The following APC variants were observed in gnomAD, a reference collection of about 807,000 sequenced individuals.
APC encodes the protein APC regulator of Wnt signaling pathway.
Under a neutral mutation model 247.0 loss-of-function variants are expected in APC, and 72 were observed. That is an observed-to-expected ratio of 0.29 (90% CI 0.24 to 0.35). The LOEUF is 0.35. Ranked by LOEUF, APC falls within the 10% of genes least tolerant of loss-of-function variation. APC has a pLI of 1.00. For missense variants in APC, 3,400 were observed against 3,360.7 expected (o/e 1.01, Z -0.29); for synonymous variants, 1,254 against 1,162.5 (o/e 1.08, Z -1.60).
chr5:112,828,540 G>A (rs1763958440), intron 13 of APC, among the ~76,000 whole-genome samples: 1 of 151,022 alleles, frequency 6.6e-6, no homozygotes, highest in Non-Finnish European at 1.5e-5. Flanking sequence ...GTAACCTCAA[G>A]CTCCTGGGAT....
At chr5:112,799,348 T>C (rs1161504749) in intron 7 of APC, among the ~76,000 whole-genome samples, 2 of 152,124 alleles carry the variant, frequency 1.3e-5, no homozygotes, top group Admixed American at 1.3e-4. Flanking sequence ...ACCATCATTA[T>C]TGAATTGTGT....
intron 6 of APC, among the ~76,000 whole-genome samples, chr5:112,785,663 G>T (rs1301417566): frequency 2.0e-5 from 3 of 152,136 alleles, no homozygotes; most frequent in African/African-American, 7.2e-5. Context: ...AAATGATAGA[G>T]ACTAGAAAGA....
At chr5:112,765,161 G>T (rs1756135567) in intron 2 of APC, among the ~76,000 whole-genome samples, 1 of 152,146 alleles carries the variant, frequency 6.6e-6, no homozygotes, top group South Asian at 2.1e-4. Flanking sequence ...CTGGAGTGCA[G>T]TGGTGAGACT....
intron 1 of APC, among the ~76,000 whole-genome samples, chr5:112,723,921 G>T (rs750178651): frequency 2.6e-5 from 4 of 151,988 alleles, no homozygotes; most frequent in Non-Finnish European, 4.4e-5. Context: ...TCTAATTTTG[G>T]GGGGGTCCAG....
intron 1 of APC, among the ~76,000 whole-genome samples, chr5:112,712,795 C>A (rs1266094554): frequency 6.6e-6 from 1 of 152,216 alleles, no homozygotes; most frequent in Non-Finnish European, 1.5e-5. Context: ...TCTTCTCCCA[C>A]TGTCAATCAC....
chr5:112,823,028 CT>C (rs1279429532), intron 11 of APC, among the ~76,000 whole-genome samples: 4 of 152,176 alleles, frequency 2.6e-5, no homozygotes, highest in African/African-American at 9.7e-5. Context: ...TTTCCTCCCC[CT>C]GGTCTCCTGT....
Position 112,824,253 on chromosome 5 carries a change from C to T in APC, c.1408+2262C>T, listed in dbSNP as rs114393953. Among the ~76,000 whole-genome samples the T allele has an allele frequency of 2.1e-3, 320 of 152,312 alleles. 2 individuals are homozygous for T. Among genetic ancestry groups the T allele is most frequent in the African/African-American group, 7.4e-3 (308 of 41,570 alleles). On this transcript the variant is annotated intron_variant, in intron 11 of 15. Transcript: ENST00000257430. ...GACATGTTCATCATCTTTGCATTAC[C>T]ATGAAACATCCTGATTTTTCTTAGA...
chr5:112,758,744 C>T (rs1427717841), intron 2 of APC, among the ~76,000 whole-genome samples: 2 of 151,958 alleles, frequency 1.3e-5, no homozygotes. Flanking sequence ...GCTGGGATTA[C>T]AGGTCCCTAC....
Position 112,819,270 on chromosome 5 carries a change from T to TA in APC, c.1239dup (p.Arg414ThrfsTer5), listed in dbSNP as rs879254088. The TA allele has an allele frequency of 6.2e-7, 1 of 1,614,066 alleles. No homozygotes were observed. Among genetic ancestry groups the TA allele is most frequent in the Non-Finnish European group, 8.5e-7 (1 of 1,179,972 alleles). On this transcript the variant is annotated frameshift_variant, in exon 10 of 16. Coordinates refer to ENST00000257430, the MANE Select transcript of APC (RefSeq NM_000038.6). LOFTEE classifies it high-confidence loss of function. ...CGAGTCCTTCATCTTTTGGAACAGA[T>TA]ACGCGCTTACTGTGAAACCTGTTGG...
chr5:112,800,027 A>G (rs1354701226), intron 7 of APC, among the ~76,000 whole-genome samples: 3 of 152,056 alleles, frequency 2.0e-5, no homozygotes, highest in African/African-American at 7.2e-5. Flanking sequence ...CCCTTCTTTC[A>G]TGGCATTTGT....
At chr5:112,739,126 T>A (rs1391516758) in intron 1 of APC, among the ~76,000 whole-genome samples, 1 of 152,256 alleles carries the variant, frequency 6.6e-6, no homozygotes, top group African/African-American at 2.4e-5. Flanking sequence ...AAGATATTAA[T>A]TCAGTGTGCA....
chr5:112,837,704 G>A lies in APC; in HGVS notation c.2110G>A (p.Val704Ile), dbSNP rs367804502. Residue 704 changes from valine to isoleucine, a missense_variant, in exon 16 of 16, where the codon GTT becomes ATT. Physicochemically the swap from Val to Ile is conservative, Grantham distance 29. Around this residue, in one of 9 missense-constraint regions of APC, gnomAD observed 184 missense variants for 248.0 expected, o/e 0.74. Transcript: ENST00000257430. ...GGAAGCATTATGGGACATGGGGGCA[G>A]TTAGCATGCTCAAGAACCTCATTCA... Reference protein sequence around the residue: ...DQEALWDMGAVSMLKNLIHSK... With the variant: ...DQEALWDMGAISMLKNLIHSK... 9.3e-6 allele frequency: 15 copies of A among 1,614,046 alleles called. No individual in the cohort carries two copies. In the African/African-American group the frequency reaches 1.7e-4, roughly 19 times the overall value.
intron 1 of APC, among the ~76,000 whole-genome samples, chr5:112,721,047 T>G (rs1459067493): frequency 6.6e-6 from 1 of 151,922 alleles, no homozygotes; most frequent in Admixed American, 6.6e-5. Context: ...GAGAACACAG[T>G]AAGTAAGGTG....
chr5:112,811,996 G>C (rs1171608865), intron 8 of APC, among the ~76,000 whole-genome samples: 1 of 152,162 alleles, frequency 6.6e-6, no homozygotes, highest in Admixed American at 6.5e-5. Flanking sequence ...ATGTCAGCCA[G>C]AGAGACATCA....
chr5:112,802,472 C>A (rs540645396), intron 8 of APC, among the ~76,000 whole-genome samples: 11 of 152,056 alleles, frequency 7.2e-5, no homozygotes, highest in African/African-American at 2.7e-4. Flanking sequence ...TCCTATATGA[C>A]AGAAAAAAAT....
intron 1 of APC, among the ~76,000 whole-genome samples, chr5:112,738,958 A>G (rs1369943549): frequency 6.6e-6 from 1 of 152,216 alleles, no homozygotes; most frequent in Non-Finnish European, 1.5e-5. Context: ...CTTTTATGCC[A>G]TTAATTAGGT....
rs1766565207 is a variant in APC, at chr5:112,843,369, T to G, written c.7775T>G (p.Val2592Gly). Reference protein sequence around the residue: ...EKAKSEDEKHVNSISGTKQSK... With the variant: ...EKAKSEDEKHGNSISGTKQSK... ...GCAAAAAGTGAGGATGAAAAACATGTGAACTCTATTTCAGGAACCAAACAA... is the reference window on the plus strand; with the variant it reads ...GCAAAAAGTGAGGATGAAAAACATGGGAACTCTATTTCAGGAACCAAACAA... The change falls in exon 16 of 16, where the codon GTG becomes GGG. Residue 2592 changes from valine (V) to glycine (G), a missense_variant. By Grantham distance (109) the Val-to-Gly change is moderately radical (BLOSUM62 -3). Around this residue, in one of 9 missense-constraint regions of APC, gnomAD observed 1,788 missense variants for 1,649.5 expected, o/e 1.08. Coordinates refer to ENST00000257430, the MANE Select transcript of APC (RefSeq NM_000038.6). The surrounding 1 kb of genome is among the most constrained non-coding windows in gnomAD (Gnocchi z 4.8). 1.2e-6 allele frequency: 2 copies of G among 1,613,796 alleles called. No homozygotes were observed. The highest frequency in any genetic ancestry group is 1.7e-5 in the Admixed American group (1 of 59,988).
chr5:112,838,519 A>T lies in APC; in HGVS notation c.2925A>T (p.Lys975Asn), dbSNP rs1580628898. The part of the protein sequence containing the change: ...NSVSSSDGYG[K>N]RGQMKPSIES... The stretch of plus-strand genomic sequence containing the variant: ...TCAGTAGTAGTGATGGTTATGGTAA[A>T]AGAGGTCAAATGAAACCCTCGATTG... The change falls in exon 16 of 16, where the codon AAA becomes AAT. Residue 975 changes from lysine (K) to asparagine (N), a missense_variant. Around this residue, in one of 9 missense-constraint regions of APC, gnomAD observed 715 missense variants for 656.6 expected, o/e 1.09. Transcript: ENST00000257430. 1 of 1,614,228 alleles carries T rather than the reference A, an allele frequency of 6.2e-7. No individual in the cohort carries two copies. The highest frequency in any genetic ancestry group is 8.5e-7 in the Non-Finnish European group (1 of 1,180,036).
intron 6 of APC, among the ~76,000 whole-genome samples, chr5:112,781,193 C>T (rs913929316): frequency 3.6e-4 from 55 of 152,234 alleles, no homozygotes; most frequent in African/African-American, 1.2e-3. Context: ...AGCTTCAGTT[C>T]TCCTTTGAAA....
Sources: allele counts gnomAD v4.1 joint callset (sites outside exome capture counted in the v4.1 genomes callset), GRCh38; gene constraint gnomAD v4.1.1; regional missense constraint gnomAD v4.1.1; non-coding constraint Gnocchi (gnomAD v3.1); transcripts MANE v1.5; gene names NCBI Gene and HGNC (gene_info 2026-07-23, HGNC 2026-07-21).